Variants in ITSN1 observed in about 807,000 individuals in gnomAD.
ITSN1 encodes the protein intersectin 1, also known as intersectin-1.
Under a neutral mutation model 239.8 loss-of-function variants are expected in ITSN1, and 58 were observed. That is an observed-to-expected ratio of 0.24 (90% CI 0.20 to 0.30). ITSN1 has a LOEUF of 0.30. Among genes scored for constraint, ITSN1 ranks in the 10% least tolerant of loss-of-function variants. The pLI is 1.00. For synonymous variants in ITSN1, 780 were observed against 770.8 expected (o/e 1.01, Z -0.20); for missense variants, 1,558 against 2,103.3 (o/e 0.74, Z 5.07).
intron 20 of ITSN1, among the ~76,000 whole-genome samples, chr21:33,804,730 T>C (rs1316103382): frequency 6.6e-6 from 1 of 152,218 alleles, no homozygotes; most frequent in Non-Finnish European, 1.5e-5. Context: ...TGTTGAAGTT[T>C]ATCTTGAGAA....
intron 16 of ITSN1, among the ~76,000 whole-genome samples, chr21:33,792,208 AT>A (rs2071191258): frequency 6.6e-6 from 1 of 151,670 alleles, no homozygotes; most frequent in Non-Finnish European, 1.5e-5. Flanking sequence ...TACCTTTTTT[AT>A]TTTTTATTTT....
chr21:33,888,110 G>A (rs1345530343), intron 39 of ITSN1, 42 bp from the exon 40 acceptor site: 1 of 1,597,660 alleles, frequency 6.3e-7, no homozygotes, highest in Non-Finnish European at 8.5e-7. Context: ...TCGAAGAGAG[G>A]GAATGGTCCC....
At chr21:33,646,869 C>G (rs2088001318) in intron 1 of ITSN1, among the ~76,000 whole-genome samples, 2 of 151,742 alleles carry the variant, frequency 1.3e-5, no homozygotes, top group South Asian at 4.2e-4. Context: ...GTCTATAGTC[C>G]CAGCTACTTC....
At chr21:33,775,401 A>G (rs191278337) in intron 14 of ITSN1, among the ~76,000 whole-genome samples, 7 of 152,320 alleles carry the variant, frequency 4.6e-5, no homozygotes, top group Admixed American at 2.6e-4. Context: ...CAGGAGGAAC[A>G]GAGACTAACA....
chr21:33,657,249 TGTAA>T (rs1378094335), intron 1 of ITSN1, among the ~76,000 whole-genome samples: 3 of 152,206 alleles, frequency 2.0e-5, no homozygotes, highest in Non-Finnish European at 4.4e-5. Flanking sequence ...AGTTCCTACT[TGTAA>T]GTGAGAACAT....
chr21:33,869,339 G>A (rs897443061), intron 33 of ITSN1, among the ~76,000 whole-genome samples: 1 of 152,158 alleles, frequency 6.6e-6, no homozygotes, highest in Non-Finnish European at 1.5e-5. Flanking sequence ...CCCAGCGAAG[G>A]GGGAAACCCC....
intron 20 of ITSN1, among the ~76,000 whole-genome samples, chr21:33,808,171 G>T (rs966214098): frequency 9.2e-5 from 14 of 151,558 alleles, no homozygotes; most frequent in African/African-American, 3.4e-4. Context: ...TCCCACCTGG[G>T]CGACAGAGCG....
At position 33,753,147 on chromosome 21, in the gene ITSN1, G is replaced by GTT. The variant is rs143392633; in HGVS notation, c.623+1241_623+1242insTT. Among the ~76,000 whole-genome samples the GTT allele has an allele frequency of 7.2e-3, 1,097 of 152,280 alleles. 14 individuals are homozygous for GTT. The highest frequency in any genetic ancestry group is 0.025 in the African/African-American group (1,044 of 41,530). On this transcript the variant is annotated intron_variant, in intron 7 of 39. Transcript: ENST00000381318. ...AAGTGACAGAGCTGAGTCAAACTGA[G>GTT]ATGTCTGATTTTAAGGCGTGTGTTC...
chr21:33,861,391 T>G (rs1980492059), intron 31 of ITSN1, among the ~76,000 whole-genome samples: 1 of 151,848 alleles, frequency 6.6e-6, no homozygotes, highest in African/African-American at 2.4e-5. Context: ...AGTCCTTGTA[T>G]TTGGGGGGTG....
At chr21:33,885,776 G>A (rs995596875) in intron 38 of ITSN1, among the ~76,000 whole-genome samples, 5 of 152,170 alleles carry the variant, frequency 3.3e-5, no homozygotes, top group African/African-American at 1.2e-4. Flanking sequence ...TCAGGCCAAA[G>A]TAACGAGACA....
chr21:33,781,884 T>C, intron 15 of ITSN1, 110 bp from the exon 16 acceptor site: 1 of 1,133,012 alleles, frequency 8.8e-7, no homozygotes. Flanking sequence ...CAGCCTTTTC[T>C]TATTTTTTAA....
chr21:33,832,121 T>TC (rs2074328900), intron 27 of ITSN1, among the ~76,000 whole-genome samples: 1 of 152,158 alleles, frequency 6.6e-6, no homozygotes, highest in East Asian at 1.9e-4. Flanking sequence ...CAATGGCGTC[T>TC]CCACTCCAGC....
intron 16 of ITSN1, among the ~76,000 whole-genome samples, chr21:33,788,162 TTC>T (rs2070815631): frequency 6.6e-6 from 1 of 152,208 alleles, no homozygotes; most frequent in African/African-American, 2.4e-5. Flanking sequence ...GGAATCAGTT[TTC>T]TCTTTCTGGT....
chr21:33,771,922 AT>A, intron 11 of ITSN1, 138 bp from the exon 12 acceptor site: 1 of 900,956 alleles, frequency 1.1e-6, no homozygotes, highest in Non-Finnish European at 1.7e-6. Context: ...CGTTGTGCTC[AT>A]TAACAAGGAC....
At position 33,708,449 on chromosome 21, in the gene ITSN1, C is replaced by T. The variant is rs183544229; in HGVS notation, c.-32-10348C>T. Among the ~76,000 whole-genome samples, 18 of 151,862 alleles carry T rather than the reference C, an allele frequency of 1.2e-4. No individual in the cohort carries two copies. The East Asian group carries it at 1.9e-3, about 16-fold the overall frequency. On this transcript the variant is annotated intron_variant, in intron 1 of 39. Transcript: ENST00000381318. Reference sequence around the variant, plus strand: ...TGTTGCCCAGGCTGGAGTGCAATGGCGCGATCTCGGCTCACAGCAACTTCG... The same window carrying T: ...TGTTGCCCAGGCTGGAGTGCAATGGTGCGATCTCGGCTCACAGCAACTTCG...
chr21:33,729,624 GA>G (rs1348032873), intron 4 of ITSN1, among the ~76,000 whole-genome samples: 1 of 152,164 alleles, frequency 6.6e-6, no homozygotes, highest in African/African-American at 2.4e-5. Flanking sequence ...CGATGATTTT[GA>G]TGGCTTCAGT....
intron 1 of ITSN1, among the ~76,000 whole-genome samples, chr21:33,682,897 A>G (rs919022361): frequency 3.3e-5 from 5 of 151,836 alleles, no homozygotes; most frequent in African/African-American, 9.7e-5. Context: ...AGTAGTATCT[A>G]TTGCTTTATT....
chr21:33,852,701 C>G (rs1057369709), intron 29 of ITSN1, among the ~76,000 whole-genome samples: 4 of 152,116 alleles, frequency 2.6e-5, no homozygotes, highest in African/African-American at 9.7e-5. Context: ...TTTGTAACCG[C>G]CTGGAGTCAT....
rs1051821747 is a variant in ITSN1 at position 33,797,088 on chromosome 21, G to T, written c.1953-291G>T. Among the ~76,000 whole-genome samples, 4 of 152,014 alleles carry T rather than the reference G, an allele frequency of 2.6e-5. No homozygotes were observed. The highest frequency in any genetic ancestry group is 6.6e-5 in the Admixed American group (1 of 15,264). On this transcript the variant is annotated intron_variant, in intron 17 of 39. Transcript: ENST00000381318. This position sits in a 1 kb window ranked among gnomAD's most constrained non-coding sequence, Gnocchi z 4.9. ...GAAGTTATGTTCTCTGTGTTTTATGGCTTTGTTTGTTTGTTTTGTCAGTTT... is the reference window on the plus strand; with the variant it reads ...GAAGTTATGTTCTCTGTGTTTTATGTCTTTGTTTGTTTGTTTTGTCAGTTT...
Sources: allele counts gnomAD v4.1 joint callset (sites outside exome capture counted in the v4.1 genomes callset), GRCh38; gene constraint gnomAD v4.1.1; non-coding constraint Gnocchi (gnomAD v3.1); transcripts MANE v1.5; gene names NCBI Gene and HGNC (gene_info 2026-07-23, HGNC 2026-07-21).